ANK2: variants seen among roughly 807,000 people sequenced by gnomAD.
ANK2 encodes ankyrin-2.
Under a neutral mutation model 360.5 loss-of-function variants are expected in ANK2, and 83 were observed. That is an observed-to-expected ratio of 0.23 (90% CI 0.19 to 0.28). ANK2 has a LOEUF of 0.28. ANK2 is among the 10% of genes least tolerant of loss of function. The probability of loss-of-function intolerance (pLI) is 1.00; values close to 1 mark genes in which losing one functional copy is unlikely to be tolerated. For synonymous variants in ANK2, 1,740 were observed against 1,759.5 expected, an observed-to-expected ratio of 0.99 and a Z score of 0.28; for missense variants, 4,201 against 4,795.7, an observed-to-expected ratio of 0.88 and a Z score of 3.66.
chr4:113,360,911 G>T lies in ANK2; in HGVS notation c.10756+14G>T. On this transcript the variant is annotated intron_variant, in intron 39 of 45. Coordinates refer to ENST00000357077, the MANE Select transcript of ANK2 (RefSeq NM_001148.6). ...TCAGCTGGACAGGTAAAAAGAATGT[G>T]ACCCAGGTTTTCAACAAAACCTGAC... The T allele has an allele frequency of 6.2e-7, 1 of 1,609,874 alleles. No individual in the cohort carries two copies. Among genetic ancestry groups the T allele is most frequent in the South Asian group, 1.1e-5 (1 of 90,404 alleles).
intron 9 of ANK2, among the ~76,000 whole-genome samples, chr4:113,243,286 G>A (rs938304380): frequency 6.6e-6 from 1 of 152,146 alleles, no homozygotes; most frequent in Admixed American, 6.5e-5. Context: ...ACTTCACTTT[G>A]TTTAATTCTG....
chr4:112,755,373 C>T, the ANK2 span, among the ~76,000 whole-genome samples: 4 of 152,180 alleles, frequency 2.6e-5, no homozygotes, highest in African/African-American at 9.7e-5. Flanking sequence ...AAGAGACCAC[C>T]AAACAGGCTT....
rs370885779 is a variant in ANK2, at chr4:113,311,342, A to G, written c.2636A>G (p.Gln879Arg). Reference sequence around the variant, plus strand: ...GGTGATGACTCACTACCCAGCAGTCAGTTCCTGGATGGTATGAATTACCTG... The same window carrying G: ...GGTGATGACTCACTACCCAGCAGTCGGTTCCTGGATGGTATGAATTACCTG... ...ELGDDSLPSS[Q>R]FLDGMNYLRY... Residue 879 changes from glutamine to arginine, a missense_variant, in exon 24 of 46, where the codon CAG becomes CGG. Coordinates refer to ENST00000357077, the MANE Select transcript of ANK2 (RefSeq NM_001148.6). 1 of 1,614,180 alleles carries G rather than the reference A, an allele frequency of 6.2e-7. No homozygotes were observed. Among genetic ancestry groups the G allele is most frequent in the Non-Finnish European group, 8.5e-7 (1 of 1,180,026 alleles).
At chr4:113,194,174 C>A (rs902711012) in intron 2 of ANK2, among the ~76,000 whole-genome samples, 1 of 152,104 alleles carries the variant, frequency 6.6e-6, no homozygotes, top group African/African-American at 2.4e-5. Context: ...TATGGATTAA[C>A]AAATAAATTT....
intron 1 of ANK2, among the ~76,000 whole-genome samples, chr4:113,131,060 A>G (rs1582519709): frequency 6.6e-6 from 1 of 152,174 alleles, no homozygotes; most frequent in African/African-American, 2.4e-5. Context: ...CTGTGTTTCC[A>G]TCTTAAAGTC....
intron 1 of ANK2, among the ~76,000 whole-genome samples, chr4:112,899,747 C>T (rs1369828262): frequency 6.6e-6 from 1 of 152,132 alleles, no homozygotes; most frequent in Non-Finnish European, 1.5e-5. Context: ...TTAATCAAAT[C>T]CTTTGTCCAT....
At chr4:112,893,551 A>C (rs1373794999) in intron 1 of ANK2, among the ~76,000 whole-genome samples, 1 of 152,160 alleles carries the variant, frequency 6.6e-6, no homozygotes, top group Non-Finnish European at 1.5e-5. Flanking sequence ...CACCAACCTA[A>C]TATAAACAAC....
At chr4:112,740,427 G>T in the ANK2 span, among the ~76,000 whole-genome samples, 14 of 151,718 alleles carry the variant, frequency 9.2e-5, no homozygotes, top group African/African-American at 2.9e-4. Flanking sequence ...TGGGGCGGCT[G>T]GGTGCGATGG....
intron 1 of ANK2, among the ~76,000 whole-genome samples, chr4:112,854,059 AGTGC>A (rs1373148784): frequency 1.3e-5 from 2 of 152,218 alleles, no homozygotes; most frequent in Admixed American, 6.5e-5. Flanking sequence ...TAAGGACAAT[AGTGC>A]GTTACAGGGA....
intron 23 of ANK2, among the ~76,000 whole-genome samples, chr4:113,309,086 C>T (rs2078610353): frequency 1.3e-5 from 2 of 152,182 alleles, no homozygotes; most frequent in Admixed American, 1.3e-4. Context: ...CTGTTAATTT[C>T]TACTTGCTTT....
intron 40 of ANK2, 92 bp from the exon 41 acceptor site, chr4:113,364,947 C>T (rs2096449584): frequency 1.3e-6 from 2 of 1,483,574 alleles, no homozygotes; most frequent in African/African-American, 1.4e-5. Context: ...TTTTTCTGTA[C>T]AGATATCAAA....
intron 2 of ANK2, among the ~76,000 whole-genome samples, chr4:112,930,642 A>C (rs1731435709): frequency 6.6e-6 from 1 of 151,792 alleles, no homozygotes; most frequent in African/African-American, 2.4e-5. Flanking sequence ...TAATCCCAGG[A>C]CTTTGGGAGG....
At chr4:113,013,494 A>G (rs2055484153) in intron 2 of ANK2, among the ~76,000 whole-genome samples, 1 of 152,206 alleles carries the variant, frequency 6.6e-6, no homozygotes, top group Admixed American at 6.5e-5. Context: ...TTATAGTAGT[A>G]CTTCATACTT....
chr4:112,893,538 T>C (rs990210043), intron 1 of ANK2, among the ~76,000 whole-genome samples: 1 of 152,198 alleles, frequency 6.6e-6, no homozygotes, highest in South Asian at 2.1e-4. Flanking sequence ...GCGACTATTT[T>C]TGCACCAACC....
chr4:113,296,914 T>C (rs1046687457), intron 22 of ANK2, among the ~76,000 whole-genome samples: 1 of 152,202 alleles, frequency 6.6e-6, no homozygotes, highest in African/African-American at 2.4e-5. Context: ...TTATGTTGCA[T>C]ATAATTGGTA....
At chr4:112,720,611 G>A in the ANK2 span, among the ~76,000 whole-genome samples, 7 of 152,268 alleles carry the variant, frequency 4.6e-5, no homozygotes, top group South Asian at 8.3e-4. Flanking sequence ...GGTATTGAGT[G>A]TAGAACAATG....
At chr4:113,287,116 C>A (rs1386243609) in intron 18 of ANK2, among the ~76,000 whole-genome samples, 1 of 152,144 alleles carries the variant, frequency 6.6e-6, no homozygotes. Context: ...AGTATACCCT[C>A]TTTGGGTGCT....
At chr4:113,256,657 C>T (rs1265061213) in intron 11 of ANK2, among the ~76,000 whole-genome samples, 4 of 152,138 alleles carry the variant, frequency 2.6e-5, no homozygotes, top group Non-Finnish European at 5.9e-5. Context: ...TGTCCTAATT[C>T]CCAAACTAAA....
chr4:113,354,525 A>G lies in ANK2; in HGVS notation c.5907A>G (p.Thr1969=). 6.2e-7 allele frequency: 1 copy of G among 1,614,162 alleles called. No homozygotes were observed. Among genetic ancestry groups the G allele is most frequent in the Non-Finnish European group, 8.5e-7 (1 of 1,179,996 alleles). ...TGCCTGTGTCACCTTCTGGCAAAAC[A>G]GAAAAGCAACCACCTGTATCCCCCA... The part of the protein sequence containing the change: ...KHLPVSPSGK[T]EKQPPVSPTS... Residue 1969 remains threonine (T), a synonymous_variant, in exon 38 of 46, where the codon ACA becomes ACG. Transcript: ENST00000357077.
Sources: allele counts gnomAD v4.1 joint callset (sites outside exome capture counted in the v4.1 genomes callset), GRCh38; gene constraint gnomAD v4.1.1; transcripts MANE v1.5; gene names NCBI Gene and HGNC (gene_info 2026-07-23, HGNC 2026-07-21).